Variants in ZNF385D observed in about 807,000 individuals in gnomAD.
The protein encoded by ZNF385D is zinc finger protein 659.
ZNF385D carries 15 observed loss-of-function variants against 35.8 expected under a neutral mutation model. That is an observed-to-expected ratio of 0.42 (90% CI 0.28 to 0.64). The LOEUF is 0.64. ZNF385D is among the 30% of genes least tolerant of loss of function. ZNF385D has a pLI of 0.23. For missense variants in ZNF385D, 474 were observed against 494.6 expected (o/e 0.96, Z 0.39); for synonymous variants, 212 against 186.8 (o/e 1.13, Z -1.10).
rs1696783957 is a variant in ZNF385D at position 22,014,824 on chromosome 3, G to C, written c.325+153993C>G. 2.0e-5 allele frequency among the ~76,000 whole-genome samples: 3 copies of C among 151,874 alleles called. No individual in the cohort carries two copies. The South Asian group carries it at 6.2e-4, about 31-fold the overall frequency. ...CACAATACAATAAATACTAAAAATGGCTGACCAAAAGTAATTCTTTGTAAA... is the reference window on the plus strand; with the variant it reads ...CACAATACAATAAATACTAAAAATGCCTGACCAAAAGTAATTCTTTGTAAA... On this transcript the variant is annotated intron_variant, in intron 3 of 5. Transcript: ENST00000494108.
intron 3 of ZNF385D, among the ~76,000 whole-genome samples, chr3:22,150,871 T>G (rs934693984): frequency 5.3e-5 from 8 of 152,028 alleles, no homozygotes; most frequent in Non-Finnish European, 1.5e-5. Context: ...AGGAGATTAT[T>G]TAAGGGAACA....
chr3:21,674,873 G>C (rs1417989949), intron 1 of ZNF385D, among the ~76,000 whole-genome samples: 1 of 151,936 alleles, frequency 6.6e-6, no homozygotes, highest in Non-Finnish European at 1.5e-5. Flanking sequence ...TATCTATTAA[G>C]TGACTTGTGT....
At chr3:22,190,762 C>T (rs990638517) in intron 2 of ZNF385D, among the ~76,000 whole-genome samples, 1 of 152,110 alleles carries the variant, frequency 6.6e-6, no homozygotes, top group African/African-American at 2.4e-5. Flanking sequence ...ATACTAAGTT[C>T]TGTAACAAAG....
intron 3 of ZNF385D, among the ~76,000 whole-genome samples, chr3:22,024,852 C>G (rs1260904503): frequency 6.6e-6 from 1 of 152,174 alleles, no homozygotes; most frequent in African/African-American, 2.4e-5. Flanking sequence ...GGGATTCTGT[C>G]TCCCAGCTTC....
At chr3:21,686,374 A>C (rs2067104594) in intron 1 of ZNF385D, among the ~76,000 whole-genome samples, 2 of 152,194 alleles carry the variant, frequency 1.3e-5, no homozygotes, top group South Asian at 4.1e-4. Flanking sequence ...GGAATTGTAA[A>C]AAAATAACCA....
Position 21,419,578 on chromosome 3 carries a change from C to G in ZNF385D, c.*1636G>C, listed in dbSNP as rs1316668547. The G allele has an allele frequency of 1.3e-5, 2 of 152,016 alleles. No individual in the cohort carries two copies. The highest frequency in any genetic ancestry group is 6.6e-5 in the Admixed American group (1 of 15,240). The allele number at this position is 152,016 out of a possible 1,614,324, so 9.4% of individuals were successfully genotyped here. On this transcript the variant is annotated 3_prime_UTR_variant, in exon 8 of 8. Coordinates refer to ENST00000281523, the MANE Select transcript of ZNF385D (RefSeq NM_024697.3). ...TTCAAAAATAGTTTTTTCTCTAAAC[C>G]TAAATCATGTATGTTTTGTCATTAT... is the stretch of plus-strand genomic sequence containing the variant.
intron 1 of ZNF385D, among the ~76,000 whole-genome samples, chr3:21,710,516 G>A (rs957975019): frequency 9.2e-5 from 14 of 152,004 alleles, no homozygotes; most frequent in African/African-American, 3.4e-4. Flanking sequence ...AGAATCATTC[G>A]ATGCCACAAT....
At chr3:21,985,635 G>C (rs940720651) in intron 3 of ZNF385D, among the ~76,000 whole-genome samples, 1 of 142,986 alleles carries the variant, frequency 7.0e-6, no homozygotes, top group Non-Finnish European at 1.5e-5. Context: ...TCTCTTTTTT[G>C]GTTGTGTCTC....
At chr3:22,170,100 TAGG>T (rs1043704329) in intron 2 of ZNF385D, among the ~76,000 whole-genome samples, 2 of 152,208 alleles carry the variant, frequency 1.3e-5, no homozygotes, top group African/African-American at 2.4e-5. Flanking sequence ...ATGGTCCAGA[TAGG>T]AGTTCTCCAT....
intron 3 of ZNF385D, among the ~76,000 whole-genome samples, chr3:21,931,655 G>T (rs1701014221): frequency 6.6e-6 from 1 of 152,282 alleles, no homozygotes; most frequent in East Asian, 1.9e-4. Flanking sequence ...GCTAGATGCA[G>T]ATGGAAAACA....
chr3:21,873,620 G>A (rs903085695), intron 3 of ZNF385D, among the ~76,000 whole-genome samples: 1 of 151,960 alleles, frequency 6.6e-6, no homozygotes, highest in Non-Finnish European at 1.5e-5. Flanking sequence ...TATACCTATT[G>A]AACAGAAACT....
At chr3:21,880,342 A>G (rs1223707832) in intron 3 of ZNF385D, among the ~76,000 whole-genome samples, 2 of 152,010 alleles carry the variant, frequency 1.3e-5, no homozygotes, top group Admixed American at 6.6e-5. Flanking sequence ...TTCCAACAGC[A>G]TGTGCTCACT....
At chr3:21,589,381 T>C (rs1476121825) in intron 2 of ZNF385D, among the ~76,000 whole-genome samples, 1 of 138,818 alleles carries the variant, frequency 7.2e-6, no homozygotes, top group Non-Finnish European at 1.6e-5. Context: ...CAATTGTTTG[T>C]TTACTCTTAA....
intron 3 of ZNF385D, among the ~76,000 whole-genome samples, chr3:21,958,014 C>T (rs1171676070): frequency 6.6e-6 from 1 of 152,118 alleles, no homozygotes. Context: ...CGCCAGTGTG[C>T]CCGAGTGTTG....
intron 3 of ZNF385D, among the ~76,000 whole-genome samples, chr3:21,964,029 C>T (rs190777561): frequency 2.9e-4 from 44 of 152,072 alleles, no homozygotes; most frequent in Non-Finnish European, 5.4e-4. Flanking sequence ...CATTTAATTG[C>T]GGGCAAAGTA....
rs115591530 is a variant in ZNF385D, at chr3:22,311,322, G to C, written c.106+61128C>G. The stretch of plus-strand genomic sequence containing the variant: ...CGGTAATTTGATTTTATGTGAGTGT[G>C]ATTCTTTTTCTCTCCTTGACATGGA... On this transcript the variant is annotated intron_variant, in intron 2 of 5. Transcript: ENST00000494108. Among the ~76,000 whole-genome samples the C allele has an allele frequency of 4.6e-3, 699 of 152,092 alleles. 10 individuals carry two copies. Among genetic ancestry groups the C allele is most frequent in the African/African-American group, 0.016 (660 of 41,536 alleles).
chr3:21,849,642 C>G (rs1405598023), intron 3 of ZNF385D: 1 of 112,936 alleles, frequency 8.9e-6, no homozygotes, highest in Non-Finnish European at 1.8e-5. Context: ...CACCATCGCT[C>G]TACACATCAT....
chr3:21,716,418 A>G (rs12635315), intron 1 of ZNF385D, among the ~76,000 whole-genome samples: 7,671 of 152,206 alleles, frequency 0.05, 281 homozygotes, highest in East Asian at 0.12. Context: ...CATCTCCTGA[A>G]GCACATCTCC....
chr3:22,233,660 C>G (rs1161036053), intron 2 of ZNF385D, among the ~76,000 whole-genome samples: 1 of 152,084 alleles, frequency 6.6e-6, no homozygotes, highest in Non-Finnish European at 1.5e-5. Context: ...GGCTTCTACC[C>G]ACACCACTTC....
Sources: gnomAD v4.1 joint callset for allele counts (sites outside exome capture counted in the v4.1 genomes callset) on GRCh38, gnomAD v4.1.1 for gene constraint, MANE v1.5 for transcripts, NCBI Gene and HGNC (gene_info 2026-07-23, HGNC 2026-07-21) for gene names.